SYNPR: variants seen among roughly 807,000 people sequenced by gnomAD.
SYNPR encodes the protein synaptoporin.
A neutral mutation model predicts 32.9 loss-of-function variants in SYNPR; 23 were observed. That is an observed-to-expected ratio of 0.70 (90% CI 0.50 to 0.99). The LOEUF is 0.99. SYNPR is among the 50% of genes least tolerant of loss of function. The pLI is 0.00. For missense variants in SYNPR, 318 were observed against 349.3 expected, an observed-to-expected ratio of 0.91 and a Z score of 0.71; for synonymous variants, 146 against 135.9, an observed-to-expected ratio of 1.07 and a Z score of -0.52.
In SYNPR at chr3:63,278,333, C is replaced by T; in HGVS notation, c.-201C>T. The T allele has an allele frequency of 1.6e-6, 1 of 639,240 alleles. No homozygotes were observed. The highest frequency in any genetic ancestry group is 2.5e-5 in the South Asian group (1 of 40,598). The allele number at this position is 639,240 out of a possible 1,614,324, so 39.6% of individuals were successfully genotyped here. A position where few individuals can be genotyped will look rare whatever the true frequency, so the allele number is the denominator to read the frequency against. On this transcript the variant is annotated 5_prime_UTR_variant, in exon 1 of 6. Transcript: ENST00000478300. ...ACCCCTCGCTGACTCGCTTCGCTTC[C>T]CCGACGCGCTGGGTTCCCGGAGCGC... is the stretch of plus-strand genomic sequence containing the variant.
intron 2 of SYNPR, among the ~76,000 whole-genome samples, chr3:63,448,421 A>G (rs1051121975): frequency 4.6e-5 from 7 of 152,232 alleles, no homozygotes; most frequent in African/African-American, 1.7e-4. Flanking sequence ...GGCTTTCAGA[A>G]TATATGTGTC....
Position 63,556,728 on chromosome 3 carries a change from G to A in SYNPR, c.395G>A (p.Arg132Gln), listed in dbSNP as rs779260176. Residue 132 changes from arginine (R) to glutamine (Q), a missense_variant, in exon 4 of 6, where the codon CGG becomes CAG. Arg to Gln is a conservative substitution (Grantham distance 43, BLOSUM62 1). Transcript: ENST00000478300. ...FFQNKYRENN[R>Q]GPLIDFIVTV... ...CAGAACAAATACCGGGAAAACAACCGGGGCCCACTCATTGTAAGTGGTTTT... is the reference window on the plus strand; with the variant it reads ...CAGAACAAATACCGGGAAAACAACCAGGGCCCACTCATTGTAAGTGGTTTT... The A allele has an allele frequency of 1.4e-5, 23 of 1,593,310 alleles. No homozygotes were observed. Among genetic ancestry groups the A allele is most frequent in the South Asian group, 1.3e-4 (12 of 90,298 alleles).
At chr3:63,286,161 T>A (rs1023005033) in intron 2 of SYNPR, among the ~76,000 whole-genome samples, 3 of 152,200 alleles carry the variant, frequency 2.0e-5, no homozygotes, top group Non-Finnish European at 4.4e-5. Context: ...TACCATAGTA[T>A]GAGTGACTCT....
At chr3:63,369,354 T>C (rs111435107) in intron 2 of SYNPR, among the ~76,000 whole-genome samples, 1 of 152,088 alleles carries the variant, frequency 6.6e-6, no homozygotes, top group Non-Finnish European at 1.5e-5. Context: ...AGCAAACTGA[T>C]AGAGTCTGCA....
chr3:63,431,678 A>G (rs961790590), intron 2 of SYNPR, among the ~76,000 whole-genome samples: 2 of 152,168 alleles, frequency 1.3e-5, no homozygotes, highest in Non-Finnish European at 2.9e-5. Context: ...CTGCAAAGGA[A>G]AGAAAAAGAA....
chr3:63,391,495 A>T (rs533095868), intron 2 of SYNPR, among the ~76,000 whole-genome samples: 10 of 152,298 alleles, frequency 6.6e-5, no homozygotes, highest in African/African-American at 2.4e-4. Flanking sequence ...ATCCACTACC[A>T]TATTGTGTGT....
At chr3:63,300,964 A>G (rs2086839640) in intron 2 of SYNPR, among the ~76,000 whole-genome samples, 1 of 152,132 alleles carries the variant, frequency 6.6e-6, no homozygotes, top group South Asian at 2.1e-4. Context: ...ATTTTCTAAA[A>G]AAAACCATAT....
the SYNPR span, among the ~76,000 whole-genome samples, chr3:63,210,875 T>C: frequency 5.9e-5 from 9 of 152,104 alleles, no homozygotes; most frequent in South Asian, 1.7e-3. Context: ...CTAAACTAAT[T>C]GTATACTAAT....
intron 2 of SYNPR, among the ~76,000 whole-genome samples, chr3:63,340,335 T>G (rs1560197766): frequency 6.6e-6 from 1 of 152,072 alleles, no homozygotes; most frequent in Non-Finnish European, 1.5e-5. Flanking sequence ...ATAAAATGTT[T>G]TAAACATAAA....
At chr3:63,558,618 A>G (rs923444072) in intron 4 of SYNPR, among the ~76,000 whole-genome samples, 3 of 152,132 alleles carry the variant, frequency 2.0e-5, no homozygotes, top group East Asian at 3.9e-4. Flanking sequence ...GATTACAGGC[A>G]TAAGCCACTC....
intron 2 of SYNPR, among the ~76,000 whole-genome samples, chr3:63,279,675 A>T (rs529972829): frequency 6.6e-6 from 1 of 152,242 alleles, no homozygotes; most frequent in African/African-American, 2.4e-5. Context: ...ATGTAGCATT[A>T]ATCAGAGTCC....
intron 2 of SYNPR, among the ~76,000 whole-genome samples, chr3:63,367,295 C>T (rs2087737742): frequency 6.6e-6 from 1 of 152,112 alleles, no homozygotes; most frequent in African/African-American, 2.4e-5. Context: ...TACATAAATA[C>T]AGTACATTCT....
At chr3:63,399,964 A>G (rs1186406966) in intron 2 of SYNPR, among the ~76,000 whole-genome samples, 4 of 152,186 alleles carry the variant, frequency 2.6e-5, no homozygotes, top group African/African-American at 9.7e-5. Context: ...AAAAGCGCCT[A>G]CAACAGACTG....
chr3:63,443,307 A>C (rs1372250406), intron 2 of SYNPR: 1 of 1,488,004 alleles, frequency 6.7e-7, no homozygotes, highest in Non-Finnish European at 8.9e-7. Context: ...CTCTGCATTG[A>C]TTTTCTTCTT....
chr3:63,505,200 C>T (rs895758364), intron 3 of SYNPR, among the ~76,000 whole-genome samples: 4 of 152,036 alleles, frequency 2.6e-5, no homozygotes, highest in Admixed American at 2.6e-4. Context: ...AACCAAGGCC[C>T]AGAAGGTTAA....
chr3:63,395,709 C>T (rs534161780), intron 2 of SYNPR, among the ~76,000 whole-genome samples: 1 of 152,106 alleles, frequency 6.6e-6, no homozygotes, highest in African/African-American at 2.4e-5. Context: ...TTAATATATG[C>T]CAAGTATTGT....
chr3:63,308,288 A>T (rs13092744), intron 2 of SYNPR, among the ~76,000 whole-genome samples: 67,690 of 151,786 alleles, frequency 0.45, 15,302 homozygotes, highest in Middle Eastern at 0.52. Flanking sequence ...TATCAAACAT[A>T]CAGCGGATAT....
At chr3:63,219,814 G>A in the SYNPR span, among the ~76,000 whole-genome samples, 27 of 152,154 alleles carry the variant, frequency 1.8e-4, no homozygotes, top group African/African-American at 4.3e-4. Context: ...AAGGGCAGGC[G>A]TTTGTCTTTC....
chr3:63,230,502 A>G (rs1287667666), intron 1 of SYNPR, among the ~76,000 whole-genome samples: 2 of 152,212 alleles, frequency 1.3e-5, no homozygotes, highest in South Asian at 2.1e-4. Context: ...AGATAGATGC[A>G]TATTATGTGA....
Sources: gnomAD v4.1 joint callset for allele counts (sites outside exome capture counted in the v4.1 genomes callset) on GRCh38, gnomAD v4.1.1 for gene constraint, MANE v1.5 for transcripts, NCBI Gene and HGNC (gene_info 2026-07-23, HGNC 2026-07-21) for gene names.